The following EYS variants were observed in gnomAD, a reference collection of about 807,000 sequenced individuals.
EYS encodes the protein protein eyes shut homolog.
EYS carries 250 observed loss-of-function variants against 282.1 expected under a neutral mutation model. The ratio of observed to expected loss-of-function variants is 0.89; its 90% CI spans 0.80 to 0.98. The LOEUF is 0.98. Ranked by LOEUF, EYS falls within the 50% of genes least tolerant of loss-of-function variation. The pLI is 0.00. For synonymous variants in EYS, 1,355 were observed against 1,282.9 expected (o/e 1.06, Z -1.20); for missense variants, 4,016 against 3,709.0 (o/e 1.08, Z -2.15).
intron 5 of EYS, among the ~76,000 whole-genome samples, chr6:65,469,577 C>T (rs1355608294): frequency 6.6e-6 from 1 of 152,078 alleles, no homozygotes; most frequent in East Asian, 1.9e-4. Flanking sequence ...ATGAACTTCA[C>T]CAAAATCAAA....
At chr6:65,226,509 T>A (rs774109692) in intron 12 of EYS, among the ~76,000 whole-genome samples, 5 of 151,832 alleles carry the variant, frequency 3.3e-5, no homozygotes, top group Non-Finnish European at 4.4e-5. Context: ...AGTAAACAAA[T>A]ACATAAAAAT....
intron 35 of EYS, among the ~76,000 whole-genome samples, chr6:63,935,265 C>T (rs1048379355): frequency 1.3e-5 from 2 of 152,222 alleles, no homozygotes; most frequent in Non-Finnish European, 2.9e-5. Context: ...ACATAGCATG[C>T]TCTCAGGATT....
At chr6:65,440,570 A>T (rs1768274944) in intron 5 of EYS, among the ~76,000 whole-genome samples, 1 of 151,606 alleles carries the variant, frequency 6.6e-6, no homozygotes, top group Non-Finnish European at 1.5e-5. Flanking sequence ...GATATCTTTT[A>T]CTTTACTGCT....
chr6:64,587,063 G>A (rs905961453), intron 26 of EYS, among the ~76,000 whole-genome samples: 1 of 152,050 alleles, frequency 6.6e-6, no homozygotes, highest in Non-Finnish European at 1.5e-5. Context: ...TAATAGAGCT[G>A]TCACCGTAAT....
At chr6:64,998,117 C>T (rs928391938) in intron 13 of EYS, among the ~76,000 whole-genome samples, 1 of 152,092 alleles carries the variant, frequency 6.6e-6, no homozygotes, top group South Asian at 2.1e-4. Flanking sequence ...TGTTAAAGTT[C>T]TATGTATGAC....
intron 31 of EYS, among the ~76,000 whole-genome samples, chr6:64,168,065 A>G (rs1395204811): frequency 6.6e-6 from 1 of 152,170 alleles, no homozygotes; most frequent in East Asian, 1.9e-4. Context: ...GATCGAGACC[A>G]TCCTGGCTAA....
At chr6:65,120,944 T>C (rs1438067748) in intron 12 of EYS, among the ~76,000 whole-genome samples, 1 of 152,146 alleles carries the variant, frequency 6.6e-6, no homozygotes, top group African/African-American at 2.4e-5. Flanking sequence ...CTATTTTAAA[T>C]ATCTGGTTTT....
intron 12 of EYS, among the ~76,000 whole-genome samples, chr6:65,076,100 A>G (rs890340460): frequency 6.6e-6 from 1 of 152,038 alleles, no homozygotes; most frequent in African/African-American, 2.4e-5. Flanking sequence ...TTTTTGCTGG[A>G]CAGTTTTAAA....
At chr6:65,026,204 T>G (rs561991930) in intron 13 of EYS, among the ~76,000 whole-genome samples, 1 of 152,320 alleles carries the variant, frequency 6.6e-6, no homozygotes, top group African/African-American at 2.4e-5. Context: ...TATCCACTGT[T>G]AGTTTCATAA....
At chr6:64,847,464 T>A in intron 19 of EYS, among the ~76,000 whole-genome samples, 1 of 152,074 alleles carries the variant, frequency 6.6e-6, no homozygotes, top group Non-Finnish European at 1.5e-5. Flanking sequence ...TTATTTTATA[T>A]CTCATATCCT....
At chr6:64,430,118 T>C (rs1313648737) in intron 28 of EYS, among the ~76,000 whole-genome samples, 3 of 152,210 alleles carry the variant, frequency 2.0e-5, no homozygotes, top group African/African-American at 7.2e-5. Context: ...CTTGGTTTCA[T>C]TCTTAATGTC....
chr6:64,195,801 A>C (rs1335353583), intron 31 of EYS, among the ~76,000 whole-genome samples: 1 of 152,212 alleles, frequency 6.6e-6, no homozygotes, highest in Non-Finnish European at 1.5e-5. Flanking sequence ...ATTTAAACAT[A>C]ATAAGGCACA....
chr6:64,171,078 T>C (rs550963258), intron 31 of EYS, among the ~76,000 whole-genome samples: 1 of 152,242 alleles, frequency 6.6e-6, no homozygotes, highest in East Asian at 1.9e-4. Flanking sequence ...AGGTTTAGAA[T>C]GGCAGGGATA....
intron 2 of EYS, among the ~76,000 whole-genome samples, chr6:65,638,783 C>T (rs1049933290): frequency 6.6e-6 from 1 of 152,202 alleles, no homozygotes; most frequent in African/African-American, 2.4e-5. Flanking sequence ...GCGTGGGATC[C>T]TAGCCGGTGG....
chr6:64,464,554 C>A (rs1375743966), intron 26 of EYS, among the ~76,000 whole-genome samples: 12 of 152,048 alleles, frequency 7.9e-5, no homozygotes, highest in Admixed American at 7.2e-4. Flanking sequence ...AAAGACTCAA[C>A]TAAAAAGACC....
At chr6:64,608,423 T>G (rs1767001925) in intron 24 of EYS, among the ~76,000 whole-genome samples, 1 of 152,190 alleles carries the variant, frequency 6.6e-6, no homozygotes, top group Non-Finnish European at 1.5e-5. Context: ...ACAATTTTAG[T>G]AATTGCTATG....
intron 33 of EYS, 22 bp downstream of exon 33, chr6:64,066,316 T>C (rs1315948624): frequency 6.6e-7 from 1 of 1,526,552 alleles, no homozygotes; most frequent in Non-Finnish European, 8.8e-7. Context: ...ACGAAAGAAC[T>C]ACCGTGGAGT....
At chr6:64,722,152 A>T (rs1199992225) in intron 22 of EYS, among the ~76,000 whole-genome samples, 1 of 152,128 alleles carries the variant, frequency 6.6e-6, no homozygotes, top group Non-Finnish European at 1.5e-5. Flanking sequence ...TTTAGGTAGG[A>T]AAGAAAAGAG....
intron 19 of EYS, among the ~76,000 whole-genome samples, chr6:64,845,480 T>C (rs1258164188): frequency 6.6e-6 from 1 of 151,890 alleles, no homozygotes; most frequent in African/African-American, 2.4e-5. Context: ...ATTAGATTTG[T>C]TGAAATATAA....
Sources: allele counts gnomAD v4.1 joint callset (sites outside exome capture counted in the v4.1 genomes callset), GRCh38; gene constraint gnomAD v4.1.1; transcripts MANE v1.5; gene names NCBI Gene and HGNC (gene_info 2026-07-23, HGNC 2026-07-21).